The following GPR157 variants were observed in gnomAD, a reference collection of about 807,000 sequenced individuals.
GPR157 encodes G protein-coupled receptor 157.
In GPR157, 16 loss-of-function variants were observed where a neutral mutation model predicts 23.5. The ratio of observed to expected loss-of-function variants is 0.68; its 90% CI spans 0.46 to 1.04. The LOEUF (loss-of-function observed/expected upper bound fraction) is 1.04, where lower values mean the gene tolerates loss of function less well. GPR157 is among the 50% of genes least tolerant of loss of function. The pLI is 0.00. For missense variants in GPR157, 440 were observed against 460.7 expected (o/e 0.96, Z 0.41); for synonymous variants, 200 against 221.5 (o/e 0.90, Z 0.86).
Position 9,128,175 on chromosome 1 carries a change from G to C in GPR157, c.383+470C>G. 1 of 432,550 alleles carries C rather than the reference G, an allele frequency of 2.3e-6. No individual in the cohort carries two copies. Among genetic ancestry groups the C allele is most frequent in the Non-Finnish European group, 4.6e-6 (1 of 217,950 alleles). The allele number at this position is 432,550 out of a possible 1,614,324, so 26.8% of individuals were successfully genotyped here. On this transcript the variant is annotated intron_variant, in intron 1 of 3. Transcript: ENST00000377411. This position sits in a 1 kb window ranked among gnomAD's most constrained non-coding sequence, Gnocchi z 6.3. ...CTGTACAGCAGAGACACGGCAGCTC[G>C]GGAGTGGCGGAGTGCACCAAGCTCA...
intron 1 of GPR157, among the ~76,000 whole-genome samples, chr1:9,116,321 T>TAATTATAG (rs1638669271): frequency 3.1e-5 from 1 of 32,080 alleles, no homozygotes; most frequent in Non-Finnish European, 4.5e-5. Context: ...ATATATAATA[T>TAATTATAG]ATATAAATTA....
intron 3 of GPR157, 25 bp from the exon 4 acceptor site, chr1:9,104,659 G>A: frequency 6.5e-7 from 1 of 1,536,808 alleles, no homozygotes; most frequent in Non-Finnish European, 8.9e-7. Context: ...GGAGCTGTGA[G>A]CATGGGGCTG....
rs1187768650 is a variant in GPR157 at position 9,123,202 on chromosome 1, T to TTA, written c.383+5441_383+5442dup. Among the ~76,000 whole-genome samples the TTA allele has an allele frequency of 4.7e-5, 6 of 128,210 alleles. No homozygotes were observed. The East Asian group carries it at 1.3e-3, about 27-fold the overall frequency. 84.1% of individuals were successfully genotyped at this position (128,210 alleles called of 152,430 possible). A position where few individuals can be genotyped will look rare whatever the true frequency, so the allele number is the denominator to read the frequency against. ...ATATATATATATATATAAATAAAAT[T>TTA]TATATATATATTTATTAAAATATAT... is the stretch of plus-strand genomic sequence containing the variant. On this transcript the variant is annotated intron_variant, in intron 1 of 3. Coordinates refer to ENST00000377411, the MANE Select transcript of GPR157 (RefSeq NM_024980.5).
In GPR157 at chr1:9,128,779, G is replaced by C. The variant is rs1325867490; in HGVS notation, c.249C>G (p.Gly83=). Residue 83 remains glycine, a synonymous_variant, in exon 1 of 4, where the codon GGC becomes GGG. Coordinates refer to ENST00000377411, the MANE Select transcript of GPR157 (RefSeq NM_024980.5). The surrounding 1 kb of genome is among the most constrained non-coding windows in gnomAD (Gnocchi z 6.3). ...AGPSWDCVLQ[G]ALSTFANTSS... ...TGGTGTTGGCGAAGGTGGACAGCGC[G>C]CCCTGCAGCACGCAGTCCCACGACG... 3 of 1,611,720 alleles carry C rather than the reference G, an allele frequency of 1.9e-6. No homozygotes were observed. The East Asian group carries it at 6.7e-5, about 36-fold the overall frequency.
chr1:9,109,987 C>T (rs907669632), intron 2 of GPR157, among the ~76,000 whole-genome samples: 2 of 152,058 alleles, frequency 1.3e-5, no homozygotes, highest in Non-Finnish European at 2.9e-5. Context: ...CCTGAAAACT[C>T]AGAGGGCAAA....
rs1003119342 is a variant in GPR157 at position 9,117,457 on chromosome 1, C to A, written c.384-5968G>T. ...GCATAAATCCTGCTTTCTAGAAATG[C>A]GTATTGCAGTTCTGACATGTAGCTG... On this transcript the variant is annotated intron_variant, in intron 1 of 3. Transcript: ENST00000377411. 4.6e-5 allele frequency among the ~76,000 whole-genome samples: 7 copies of A among 152,172 alleles called. No homozygotes were observed. The East Asian group carries it at 1.3e-3, about 29-fold the overall frequency.
chr1:9,125,548 G>C (rs532166300), intron 1 of GPR157, among the ~76,000 whole-genome samples: 26 of 152,282 alleles, frequency 1.7e-4, no homozygotes, highest in Admixed American at 3.9e-4. Context: ...ACTTGTGCAC[G>C]TGCAGGATTC....
At chr1:9,107,249 T>C (rs1351879781) in intron 2 of GPR157, among the ~76,000 whole-genome samples, 1 of 152,200 alleles carries the variant, frequency 6.6e-6, no homozygotes, top group Non-Finnish European at 1.5e-5. Flanking sequence ...GACTTGGCTT[T>C]CCTCCTGGGA....
chr1:9,126,903 A>G lies in GPR157; in HGVS notation c.383+1742T>C, dbSNP rs1385771755. Reference sequence around the variant, plus strand: ...TCTTTTCTTTTTCCTTCATTTTTTAAAAATTTTTTTCTTTTTTTTTTGAGA... The same window carrying G: ...TCTTTTCTTTTTCCTTCATTTTTTAGAAATTTTTTTCTTTTTTTTTTGAGA... On this transcript the variant is annotated intron_variant, in intron 1 of 3. Coordinates refer to ENST00000377411, the MANE Select transcript of GPR157 (RefSeq NM_024980.5). 8.6e-5 allele frequency among the ~76,000 whole-genome samples: 13 copies of G among 152,012 alleles called. 1 individual carries two copies. The highest frequency in any genetic ancestry group is 8.5e-4 in the Admixed American group (13 of 15,246).
chr1:9,109,882 T>C (rs974774553), intron 2 of GPR157, among the ~76,000 whole-genome samples: 2 of 152,098 alleles, frequency 1.3e-5, no homozygotes, highest in South Asian at 2.1e-4. Context: ...GGTGTCCAGA[T>C]GGCCACAGCT....
At chr1:9,112,915 G>C (rs1401424467) in intron 1 of GPR157, among the ~76,000 whole-genome samples, 3 of 152,184 alleles carry the variant, frequency 2.0e-5, no homozygotes, top group African/African-American at 7.2e-5. Flanking sequence ...TTAAGAGCTT[G>C]GATTTTAGTG....
chr1:9,124,823 T>A (rs531331857), intron 1 of GPR157, among the ~76,000 whole-genome samples: 3 of 152,332 alleles, frequency 2.0e-5, no homozygotes, highest in African/African-American at 7.2e-5. Flanking sequence ...CACTATATTG[T>A]AAATTCTTAT....
chr1:9,123,270 ATTT>A (rs1638852986), intron 1 of GPR157, among the ~76,000 whole-genome samples: 1 of 19,616 alleles, frequency 5.1e-5, no homozygotes, highest in Non-Finnish European at 1.0e-4. Flanking sequence ...AAATATATAT[ATTT>A]AAATATATAT....
intron 1 of GPR157, among the ~76,000 whole-genome samples, chr1:9,116,003 C>T (rs906257056): frequency 1.4e-5 from 2 of 146,412 alleles, no homozygotes; most frequent in African/African-American, 2.5e-5. Context: ...CTCTGCTCTA[C>T]ACAATCAACA....
At position 9,128,287 on chromosome 1, in the gene GPR157, G is replaced by C; in HGVS notation, c.383+358C>G. 1.9e-6 allele frequency: 1 copy of C among 538,612 alleles called. No homozygotes were observed. Among genetic ancestry groups the C allele is most frequent in the Non-Finnish European group, 3.6e-6 (1 of 280,744 alleles). The allele number at this position is 538,612 out of a possible 1,614,324, so 33.4% of individuals were successfully genotyped here. ...AGTTACCTAACTCGTCTCCCAGCCT[G>C]TTTCCCCATGGGCAGCAGAGACAGC... On this transcript the variant is annotated intron_variant, in intron 1 of 3. Transcript: ENST00000377411. The surrounding 1 kb of genome is among the most constrained non-coding windows in gnomAD (Gnocchi z 6.3).
intron 1 of GPR157, among the ~76,000 whole-genome samples, chr1:9,122,925 G>T (rs1369701898): frequency 6.6e-6 from 1 of 151,966 alleles, no homozygotes; most frequent in Non-Finnish European, 1.5e-5. Context: ...GGGAGGCTGA[G>T]GTGGGTGGAT....
chr1:9,108,156 C>T (rs537528031), intron 2 of GPR157, among the ~76,000 whole-genome samples: 11 of 152,188 alleles, frequency 7.2e-5, no homozygotes, highest in South Asian at 2.1e-4. Flanking sequence ...GGAGGGGAGA[C>T]GCCCAAGGTA....
chr1:9,125,020 G>A (rs1171700330), intron 1 of GPR157, among the ~76,000 whole-genome samples: 3 of 152,022 alleles, frequency 2.0e-5, no homozygotes, highest in Non-Finnish European at 4.4e-5. Context: ...CCCCCTGTTG[G>A]ACCCAGCTTT....
In GPR157 at chr1:9,105,066, CACAT is replaced by C. The variant is rs1271766608; in HGVS notation, c.792+416_792+419del. Among the ~76,000 whole-genome samples the C allele has an allele frequency of 6.1e-5, 9 of 146,482 alleles. No homozygotes were observed. The South Asian group carries it at 6.6e-4, about 11-fold the overall frequency. The stretch of plus-strand genomic sequence containing the variant: ...ACACACACACACACACACACACACA[CACAT>C]GCATACACACATGCATACATGCACA... On this transcript the variant is annotated intron_variant, in intron 3 of 3. Transcript: ENST00000377411. This position sits in a 1 kb window ranked among gnomAD's most constrained non-coding sequence, Gnocchi z 4.8.
Sources: gnomAD v4.1 joint callset for allele counts (sites outside exome capture counted in the v4.1 genomes callset) on GRCh38, gnomAD v4.1.1 for gene constraint, Gnocchi (gnomAD v3.1) non-coding constraint, MANE v1.5 for transcripts, NCBI Gene and HGNC (gene_info 2026-07-23, HGNC 2026-07-21) for gene names.